LUZP2: variants seen among roughly 807,000 people sequenced by gnomAD.
LUZP2 encodes leucine zipper protein 2.
A neutral mutation model predicts 51.6 loss-of-function variants in LUZP2; 52 were observed. The ratio of observed to expected loss-of-function variants is 1.01; its 90% confidence interval spans 0.81 to 1.27. The LOEUF (loss-of-function observed/expected upper bound fraction) is 1.27, where lower values mean the gene tolerates loss of function less well. Among genes scored for constraint, LUZP2 ranks in the 50% most tolerant of loss-of-function variants. The pLI is 0.00. For synonymous variants in LUZP2, 154 were observed against 137.3 expected (o/e 1.12, Z -0.85); for missense variants, 436 against 395.4 (o/e 1.10, Z -0.87).
chr11:24,764,904 A>G (rs1308894093), intron 5 of LUZP2, among the ~76,000 whole-genome samples: 1 of 152,226 alleles, frequency 6.6e-6, no homozygotes. Flanking sequence ...GGTTATTTTT[A>G]TAGTGAAATT....
intron 1 of LUZP2, among the ~76,000 whole-genome samples, chr11:24,571,129 C>T (rs76654280): frequency 0.014 from 2,131 of 152,114 alleles, 41 homozygotes; most frequent in South Asian, 0.059. Context: ...CAAGAAGCAG[C>T]GATTTCTCCA....
At chr11:24,546,061 A>G (rs946602345) in intron 1 of LUZP2, among the ~76,000 whole-genome samples, 4 of 152,128 alleles carry the variant, frequency 2.6e-5, no homozygotes, top group African/African-American at 9.6e-5. Context: ...ATGGGACTGC[A>G]TTCATGATTT....
intron 1 of LUZP2, among the ~76,000 whole-genome samples, chr11:24,593,457 A>G (rs1036869622): frequency 1.3e-5 from 2 of 152,294 alleles, no homozygotes; most frequent in African/African-American, 4.8e-5. Flanking sequence ...GCTCGAGCTT[A>G]CTCACATAGC....
chr11:24,677,954 G>A (rs7113814), intron 1 of LUZP2, among the ~76,000 whole-genome samples: 29,923 of 151,378 alleles, frequency 0.2, 3,261 homozygotes, highest in Admixed American at 0.27. Flanking sequence ...AGAGAATGGC[G>A]TGAACCTGGG....
At chr11:24,592,192 T>G (rs1853283337) in intron 1 of LUZP2, among the ~76,000 whole-genome samples, 1 of 152,216 alleles carries the variant, frequency 6.6e-6, no homozygotes, top group Admixed American at 6.5e-5. Context: ...TGTTCCAGGA[T>G]CTTTAGATTT....
intron 1 of LUZP2, among the ~76,000 whole-genome samples, chr11:24,660,644 T>C (rs1365060520): frequency 6.6e-6 from 1 of 152,162 alleles, no homozygotes; most frequent in African/African-American, 2.4e-5. Context: ...ATGAAATATT[T>C]TTAGAAAGAC....
At chr11:24,766,697 A>G (rs1419230865) in intron 5 of LUZP2, among the ~76,000 whole-genome samples, 1 of 138,072 alleles carries the variant, frequency 7.2e-6, no homozygotes, top group Admixed American at 7.3e-5. Flanking sequence ...TCCTGAATAT[A>G]AAGCTTCAAA....
chr11:24,533,931 T>G (rs1473256818), intron 1 of LUZP2, among the ~76,000 whole-genome samples: 1 of 151,326 alleles, frequency 6.6e-6, no homozygotes, highest in South Asian at 2.1e-4. Context: ...CGTATCTTTC[T>G]GCTGCACTGT....
chr11:24,928,863 TTGTTG>T (rs1307911021), intron 7 of LUZP2, among the ~76,000 whole-genome samples: 2 of 152,088 alleles, frequency 1.3e-5, no homozygotes, highest in African/African-American at 4.8e-5. Context: ...ATCCTGGATT[TTGTTG>T]TGTTGTTTGC....
intron 1 of LUZP2, among the ~76,000 whole-genome samples, chr11:24,698,202 A>G (rs577179287): frequency 6.6e-6 from 1 of 152,282 alleles, no homozygotes; most frequent in African/African-American, 2.4e-5. Flanking sequence ...GGCAAGAAGA[A>G]CCACTGGGCT....
intron 6 of LUZP2, among the ~76,000 whole-genome samples, chr11:24,908,436 C>A (rs778210240): frequency 1.1e-4 from 17 of 152,116 alleles, no homozygotes; most frequent in Non-Finnish European, 2.2e-4. Flanking sequence ...TCGTCCTTGT[C>A]TTTTTATATA....
intron 1 of LUZP2, among the ~76,000 whole-genome samples, chr11:24,536,962 A>C (rs1170298144): frequency 6.6e-6 from 1 of 151,796 alleles, no homozygotes; most frequent in East Asian, 1.9e-4. Flanking sequence ...ACTGCTTCTG[A>C]GGAAGAGGAA....
At chr11:25,067,614 C>T (rs1358734617) in intron 10 of LUZP2, among the ~76,000 whole-genome samples, 1 of 151,940 alleles carries the variant, frequency 6.6e-6, no homozygotes, top group East Asian at 1.9e-4. Context: ...CAAATCAAAG[C>T]CACAGTGAGA....
At chr11:24,786,622 T>C (rs1037882153) in intron 5 of LUZP2, 25 of 92,444 alleles carry the variant, frequency 2.7e-4, no homozygotes, top group Non-Finnish European at 4.0e-4. Context: ...TAAATTATAA[T>C]ATATGCATTT....
chr11:24,532,666 C>A (rs547551496), intron 1 of LUZP2, among the ~76,000 whole-genome samples: 58 of 150,962 alleles, frequency 3.8e-4, no homozygotes, highest in African/African-American at 1.4e-3. Flanking sequence ...GCTTAGAAGG[C>A]AATTAAGGTG....
intron 5 of LUZP2, among the ~76,000 whole-genome samples, chr11:24,798,311 C>A (rs1033634499): frequency 6.6e-6 from 1 of 151,754 alleles, no homozygotes; most frequent in Non-Finnish European, 1.5e-5. Flanking sequence ...TTGATTCTTC[C>A]ACCTCATTCC....
intron 9 of LUZP2, among the ~76,000 whole-genome samples, chr11:25,028,777 C>G (rs1467070353): frequency 2.6e-5 from 4 of 151,638 alleles, no homozygotes; most frequent in Non-Finnish European, 5.9e-5. Flanking sequence ...GTCCTAGGGT[C>G]TAGTTTCTAG....
chr11:24,497,224 G>A lies in LUZP2; in HGVS notation c.-20G>A. 6.6e-7 allele frequency: 1 copy of A among 1,524,206 alleles called. No individual in the cohort carries two copies. 94.4% of individuals were successfully genotyped at this position (1,524,206 alleles called of 1,614,324 possible). On this transcript the variant is annotated 5_prime_UTR_variant, in exon 1 of 12. Transcript: ENST00000336930. ...GAGAGAGAAGGCAGCGAGGGAAGGA[G>A]GACCCCGGCAGGCAGCAGCATGAAA...
intron 5 of LUZP2, among the ~76,000 whole-genome samples, chr11:24,807,792 A>AT (rs775872547): frequency 6.6e-6 from 1 of 152,082 alleles, no homozygotes; most frequent in South Asian, 2.1e-4. Context: ...AGGTCAGAGA[A>AT]TTTTTTTATG....
Sources: gnomAD v4.1 joint callset for allele counts (sites outside exome capture counted in the v4.1 genomes callset) on GRCh38, gnomAD v4.1.1 for gene constraint, MANE v1.5 for transcripts, NCBI Gene and HGNC (gene_info 2026-07-23, HGNC 2026-07-21) for gene names.